Variants in PLEK observed in about 807,000 individuals in gnomAD.
PLEK encodes pleckstrin.
PLEK carries 25 observed loss-of-function variants against 43.9 expected under a neutral mutation model. The ratio of observed to expected loss-of-function variants is 0.57; its 90% CI spans 0.41 to 0.79. PLEK has a LOEUF of 0.79. Ranked by LOEUF, PLEK falls within the 30% of genes least tolerant of loss-of-function variation. The pLI, the probability that PLEK is intolerant of heterozygous loss-of-function variation, is 0.00. For missense variants in PLEK, 396 were observed against 413.3 expected (o/e 0.96, Z 0.36); for synonymous variants, 152 against 144.4 (o/e 1.05, Z -0.38).
chr2:68,366,065 T>G (rs766703403), intron 1 of PLEK, among the ~76,000 whole-genome samples: 36 of 152,178 alleles, frequency 2.4e-4, no homozygotes, highest in Non-Finnish European at 1.0e-4. Context: ...TAGTGCTGTT[T>G]GTCTTTCTTC....
intron 1 of PLEK, among the ~76,000 whole-genome samples, chr2:68,369,517 C>G (rs970563719): frequency 4.2e-5 from 6 of 141,634 alleles, no homozygotes; most frequent in African/African-American, 1.6e-4. Context: ...GAGTTTTGCT[C>G]TTGTTGCCCA....
At chr2:68,377,040 T>A (rs1022429246) in intron 1 of PLEK, among the ~76,000 whole-genome samples, 4 of 152,220 alleles carry the variant, frequency 2.6e-5, no homozygotes, top group African/African-American at 9.6e-5. Context: ...TTTCTGTGCC[T>A]GGCTCATTTC....
rs367946764 is a variant in PLEK at position 68,394,060 on chromosome 2, A to C, written c.847-47A>C. 3.2e-6 allele frequency: 4 copies of C among 1,240,400 alleles called. No homozygotes were observed. In the East Asian group the frequency reaches 7.0e-5, roughly 22 times the overall value. 76.8% of individuals were successfully genotyped at this position (1,240,400 alleles called of 1,614,324 possible). On this transcript the variant is annotated intron_variant, in intron 7 of 8. Coordinates refer to ENST00000234313, the MANE Select transcript of PLEK (RefSeq NM_002664.3). The stretch of plus-strand genomic sequence containing the variant: ...TTCACCAAGAGGATGAGGTCTATCT[A>C]TACTCTGCATTTTGGAAACATAATG...
At chr2:68,387,327 T>C (rs918262429) in intron 5 of PLEK, among the ~76,000 whole-genome samples, 31 of 152,312 alleles carry the variant, frequency 2.0e-4, no homozygotes, top group Admixed American at 5.9e-4. Context: ...CCCTAGTCCA[T>C]GGCAAGCATT....
chr2:68,371,196 T>G (rs1362275872), intron 1 of PLEK, among the ~76,000 whole-genome samples: 1 of 152,192 alleles, frequency 6.6e-6, no homozygotes, highest in African/African-American at 2.4e-5. Context: ...CAAGCATGCT[T>G]GAATACTTCT....
chr2:68,390,118 A>T (rs1219654142), intron 6 of PLEK, among the ~76,000 whole-genome samples: 1 of 152,156 alleles, frequency 6.6e-6, no homozygotes, highest in African/African-American at 2.4e-5. Context: ...GATGGTCAAA[A>T]ATTGTGTGTG....
intron 4 of PLEK, among the ~76,000 whole-genome samples, chr2:68,385,691 C>T (rs1280236799): frequency 6.6e-6 from 1 of 152,184 alleles, no homozygotes; most frequent in African/African-American, 2.4e-5. Context: ...CTGCATCCTG[C>T]TTCATATGCT....
Position 68,395,943 on chromosome 2 carries a change from G to T in PLEK, c.*127G>T, listed in dbSNP as rs1234066118. On this transcript the variant is annotated 3_prime_UTR_variant, in exon 9 of 9. Coordinates refer to ENST00000234313, the MANE Select transcript of PLEK (RefSeq NM_002664.3). The stretch of plus-strand genomic sequence containing the variant: ...GGGTGGGAAGTTTTCATTTGCAGGG[G>T]GGTCTGAATGTAACTCACCATGTGG... 3 of 776,812 alleles carry T rather than the reference G, an allele frequency of 3.9e-6. No homozygotes were observed. The highest frequency in any genetic ancestry group is 6.5e-6 in the Non-Finnish European group (3 of 462,572). 48.1% of individuals were successfully genotyped at this position (776,812 alleles called of 1,614,324 possible).
chr2:68,393,656 C>T (rs879618663), intron 7 of PLEK, among the ~76,000 whole-genome samples: 6 of 152,236 alleles, frequency 3.9e-5, no homozygotes, highest in South Asian at 4.1e-4. Context: ...GGACTTTTTC[C>T]ACCATAAAAT....
Position 68,368,865 on chromosome 2 carries a change from G to C in PLEK, c.42+3472G>C, listed in dbSNP as rs1440356926. On this transcript the variant is annotated intron_variant, in intron 1 of 8. Coordinates refer to ENST00000234313, the MANE Select transcript of PLEK (RefSeq NM_002664.3). ...GCGCAGCAGCGCTGACTCAGAAAGT[G>C]GCTGAGGGATTTGGATGTCCTTTGA... Among the ~76,000 whole-genome samples, 6 of 152,318 alleles carry C rather than the reference G, an allele frequency of 3.9e-5. No homozygotes were observed. In the East Asian group the frequency reaches 7.7e-4, roughly 20 times the overall value.
At chr2:68,372,740 A>ATG (rs1254762954) in intron 1 of PLEK, among the ~76,000 whole-genome samples, 1 of 148,864 alleles carries the variant, frequency 6.7e-6, no homozygotes, top group Non-Finnish European at 1.5e-5. Flanking sequence ...ATGGATATAT[A>ATG]TGTGTGTGTG....
chr2:68,365,606 G>A (rs1035944068), intron 1 of PLEK: 8 of 508,750 alleles, frequency 1.6e-5, no homozygotes, highest in Admixed American at 6.8e-5. Flanking sequence ...TTGATATTAC[G>A]GGTCTGAGAA....
At chr2:68,379,687 G>A (rs1007803091) in intron 1 of PLEK, among the ~76,000 whole-genome samples, 11 of 152,132 alleles carry the variant, frequency 7.2e-5, no homozygotes, top group Non-Finnish European at 1.6e-4. Flanking sequence ...ATCATAGCAG[G>A]AAAGGGTTTG....
chr2:68,388,233 A>G (rs1019611546), intron 5 of PLEK, 154 bp from the exon 6 acceptor site: 6 of 562,586 alleles, frequency 1.1e-5, no homozygotes, highest in Non-Finnish European at 2.0e-5. Flanking sequence ...CTCGCTCATC[A>G]AGGACCTTTG....
chr2:68,389,087 C>T (rs1470610410), intron 6 of PLEK, among the ~76,000 whole-genome samples: 1 of 152,204 alleles, frequency 6.6e-6, no homozygotes, highest in African/African-American at 2.4e-5. Context: ...CACCATCAGT[C>T]TTGGAGGCAA....
At chr2:68,377,408 T>C (rs1260090711) in intron 1 of PLEK, among the ~76,000 whole-genome samples, 2 of 152,228 alleles carry the variant, frequency 1.3e-5, no homozygotes, top group African/African-American at 4.8e-5. Context: ...GTATTGCCTT[T>C]TCTCCACATC....
chr2:68,394,534 C>CAAA, intron 8 of PLEK, among the ~76,000 whole-genome samples: 1 of 147,598 alleles, frequency 6.8e-6, no homozygotes, highest in African/African-American at 2.5e-5. Context: ...TACTCTGTCT[C>CAAA]AAAAAAAAAA....
intron 1 of PLEK, among the ~76,000 whole-genome samples, chr2:68,368,237 C>A (rs1181211931): frequency 6.6e-6 from 1 of 152,216 alleles, no homozygotes; most frequent in Non-Finnish European, 1.5e-5. Context: ...TGTCTCTTTG[C>A]CTCAGAGTCT....
At chr2:68,392,483 T>C (rs1376693064) in intron 6 of PLEK, among the ~76,000 whole-genome samples, 1 of 152,230 alleles carries the variant, frequency 6.6e-6, no homozygotes, top group African/African-American at 2.4e-5. Context: ...AAACCCTGCC[T>C]TTTATTTCCA....
Sources: gnomAD v4.1 joint callset for allele counts (sites outside exome capture counted in the v4.1 genomes callset) on GRCh38, gnomAD v4.1.1 for gene constraint, MANE v1.5 for transcripts, NCBI Gene and HGNC (gene_info 2026-07-23, HGNC 2026-07-21) for gene names.